ACACB: variants seen among roughly 807,000 people sequenced by gnomAD.
The protein encoded by ACACB is acetyl-CoA carboxylase 2.
A neutral mutation model predicts 278.8 loss-of-function variants in ACACB; 209 were observed. The observed-to-expected ratio is 0.75, with a 90% confidence interval of 0.67 to 0.84. The LOEUF (loss-of-function observed/expected upper bound fraction) is 0.84, where lower values mean the gene tolerates loss of function less well. Ranked by LOEUF, ACACB falls within the 40% of genes least tolerant of loss-of-function variation. The pLI, the probability that ACACB is intolerant of heterozygous loss-of-function variation, is 0.00. For missense variants in ACACB, 2,850 were observed against 3,269.0 expected (o/e 0.87, Z 3.13); for synonymous variants, 1,174 against 1,285.6 (o/e 0.91, Z 1.86).
chr12:109,179,946 C>CT lies in ACACB; in HGVS notation c.1678dup (p.Tyr560LeufsTer12). The CT allele has an allele frequency of 6.2e-7, 1 of 1,612,792 alleles. No individual in the cohort carries two copies. The highest frequency in any genetic ancestry group is 8.5e-7 in the Non-Finnish European group (1 of 1,178,960). ...CCATCCGCCTGGCCAAGACCGTGGG[C>CT]TATGTGAGTGCAGGGACAGTGGAAT... On this transcript the variant is annotated frameshift_variant, in exon 11 of 53. Transcript: ENST00000338432. LOFTEE classifies it high-confidence loss of function.
intron 16 of ACACB, among the ~76,000 whole-genome samples, chr12:109,195,401 T>G (rs923379764): frequency 7.2e-5 from 11 of 152,238 alleles, no homozygotes; most frequent in African/African-American, 2.7e-4. Flanking sequence ...TGTGTGTCAT[T>G]GATCAGGGTA....
chr12:109,197,331 C>T (rs1489045049), intron 17 of ACACB, among the ~76,000 whole-genome samples, 178 bp downstream of exon 17: 1 of 152,114 alleles, frequency 6.6e-6, no homozygotes, highest in Non-Finnish European at 1.5e-5. Flanking sequence ...GTGCAACTGG[C>T]AGATATTTAG....
intron 17 of ACACB, among the ~76,000 whole-genome samples, chr12:109,199,164 T>C (rs1272969019): frequency 2.0e-5 from 3 of 151,866 alleles, no homozygotes. Context: ...CACTCCAGCC[T>C]GGGCAACAGA....
In ACACB at chr12:109,247,653, C is replaced by T. The variant is rs756815651; in HGVS notation, c.5619C>T (p.Ser1873=). The T allele has an allele frequency of 6.2e-7, 1 of 1,613,828 alleles. No homozygotes were observed. The highest frequency in any genetic ancestry group is 8.5e-7 in the Non-Finnish European group (1 of 1,179,976). The part of the protein sequence containing the change: ...YLTPQDYTRI[S]SLNSVHCKHI... ...CTCCCCAAGACTACACCAGAATCAGCTCCCTGAACTCCGTCCACTGTAAAC... is the reference window on the plus strand; with the variant it reads ...CTCCCCAAGACTACACCAGAATCAGTTCCCTGAACTCCGTCCACTGTAAAC... The change falls in exon 40 of 53, where the codon AGC becomes AGT. Residue 1873 remains serine (S), a synonymous_variant. Coordinates refer to ENST00000338432, the MANE Select transcript of ACACB (RefSeq NM_001093.4).
At chr12:109,124,499 C>T (rs1565842452) in intron 1 of ACACB, among the ~76,000 whole-genome samples, 1 of 152,178 alleles carries the variant, frequency 6.6e-6, no homozygotes, top group East Asian at 1.9e-4. Flanking sequence ...GTTCAGTTAC[C>T]CCACTTTTAG....
At chr12:109,155,761 TA>T (rs1433817923) in intron 2 of ACACB, among the ~76,000 whole-genome samples, 1 of 151,928 alleles carries the variant, frequency 6.6e-6, no homozygotes, top group African/African-American at 2.4e-5. Context: ...TTTTCATGTT[TA>T]AGTGATTGAA....
intron 7 of ACACB, among the ~76,000 whole-genome samples, chr12:109,175,074 A>G (rs947873822): frequency 1.4e-4 from 21 of 152,246 alleles, no homozygotes; most frequent in African/African-American, 4.8e-4. Context: ...AATTTAAAAA[A>G]TATTCAAAGG....
intron 2 of ACACB, among the ~76,000 whole-genome samples, chr12:109,152,624 T>TTTGC (rs2043404124): frequency 1.0e-5 from 1 of 98,138 alleles, no homozygotes; most frequent in Non-Finnish European, 2.3e-5. Flanking sequence ...TGCCTGTGCC[T>TTTGC]TTTCTTTCTT....
rs202116893 is a variant in ACACB at position 109,210,043 on chromosome 12, GTATA to G, written c.3249+695_3249+698del. Among the ~76,000 whole-genome samples the G allele has an allele frequency of 3.6e-5, 3 of 83,836 alleles. 1 individual carries two copies. Among genetic ancestry groups the G allele is most frequent in the Non-Finnish European group, 7.7e-5 (3 of 38,804 alleles). The allele number at this position is 83,836 out of a possible 152,430, so 55.0% of individuals were successfully genotyped here. On this transcript the variant is annotated intron_variant, in intron 21 of 52. Coordinates refer to ENST00000338432, the MANE Select transcript of ACACB (RefSeq NM_001093.4). ...CACGTGTGTATATATGTGTATATGT[GTATA>G]TATACACACACGTGTGTATATATGT...
rs188237321 is a variant in ACACB at position 109,144,994 on chromosome 12, G to A, written c.653+4936G>A. 1.9e-3 allele frequency among the ~76,000 whole-genome samples: 294 copies of A among 152,066 alleles called. 1 individual carries two copies. The highest frequency in any genetic ancestry group is 6.6e-3 in the African/African-American group (272 of 41,508). ...GCTAGGCTGGTCTCCATCTCCTGACGTCGTGATCCACCTGTCTAGGCCTCC... is the reference window on the plus strand; with the variant it reads ...GCTAGGCTGGTCTCCATCTCCTGACATCGTGATCCACCTGTCTAGGCCTCC... On this transcript the variant is annotated intron_variant, in intron 2 of 52. Coordinates refer to ENST00000338432, the MANE Select transcript of ACACB (RefSeq NM_001093.4).
chr12:109,162,177 T>C (rs1208647829), intron 2 of ACACB, among the ~76,000 whole-genome samples: 1 of 151,950 alleles, frequency 6.6e-6, no homozygotes, highest in Non-Finnish European at 1.5e-5. Flanking sequence ...TGGGGTTTCA[T>C]CATGTTGGCC....
At chr12:109,151,037 G>A (rs997502007) in intron 2 of ACACB, among the ~76,000 whole-genome samples, 2 of 145,054 alleles carry the variant, frequency 1.4e-5, no homozygotes, top group African/African-American at 5.2e-5. Flanking sequence ...GGAGTGCAGT[G>A]GCACAATTTC....
At chr12:109,220,870 GTTA>G (rs1471241705) in intron 24 of ACACB, among the ~76,000 whole-genome samples, 2 of 152,006 alleles carry the variant, frequency 1.3e-5, no homozygotes, top group Non-Finnish European at 2.9e-5. Flanking sequence ...AAATGTTTTT[GTTA>G]TTATTATTAT....
chr12:109,229,820 T>A (rs2136577626), intron 28 of ACACB, among the ~76,000 whole-genome samples: 1 of 152,210 alleles, frequency 6.6e-6, no homozygotes, highest in African/African-American at 2.4e-5. Flanking sequence ...GGCGCCACCA[T>A]GCCTGGCTCA....
At position 109,210,221 on chromosome 12, in the gene ACACB, A is replaced by ATATC. The variant is rs1491120224; in HGVS notation, c.3249+869_3249+870insATCT. Reference sequence around the variant, plus strand: ...TATGTATATATGTATATATACACACATGTGTGTATATGTATATATGTATAT... The same window carrying ATATC: ...TATGTATATATGTATATATACACACATATCTGTGTGTATATGTATATATGTATAT... On this transcript the variant is annotated intron_variant, in intron 21 of 52. Coordinates refer to ENST00000338432, the MANE Select transcript of ACACB (RefSeq NM_001093.4). Among the ~76,000 whole-genome samples, 5 of 11,964 alleles carry ATATC rather than the reference A, an allele frequency of 4.2e-4. 1 individual carries two copies. Among genetic ancestry groups the ATATC allele is most frequent in the African/African-American group, 2.0e-3 (4 of 1,990 alleles). 7.8% of individuals were successfully genotyped at this position (11,964 alleles called of 152,430 possible).
rs1201595298 is a variant in ACACB, at chr12:109,173,404, G to T, written c.1118-728G>T. Among the ~76,000 whole-genome samples, 6 of 152,202 alleles carry T rather than the reference G, an allele frequency of 3.9e-5. No homozygotes were observed. The East Asian group carries it at 1.2e-3, about 29-fold the overall frequency. ...GAAAACAGTCTTGCCCAAATGTGAA[G>T]CAACTCAGTGCGGATCAATACATGA... On this transcript the variant is annotated intron_variant, in intron 6 of 52. Coordinates refer to ENST00000338432, the MANE Select transcript of ACACB (RefSeq NM_001093.4).
intron 35 of ACACB, among the ~76,000 whole-genome samples, chr12:109,240,284 G>T (rs1040024846): frequency 3.9e-5 from 6 of 152,152 alleles, no homozygotes; most frequent in Non-Finnish European, 8.8e-5. Context: ...ACTGCATGTG[G>T]GTGGGGAGAG....
At chr12:109,250,944 C>T (rs1431037244) in intron 41 of ACACB, among the ~76,000 whole-genome samples, 1 of 152,206 alleles carries the variant, frequency 6.6e-6, no homozygotes, top group Non-Finnish European at 1.5e-5. Flanking sequence ...TGTGTTTCTT[C>T]TCCCCTGATT....
chr12:109,258,400 C>A, intron 46 of ACACB, 36 bp downstream of exon 46: 1 of 1,570,570 alleles, frequency 6.4e-7, no homozygotes, highest in Non-Finnish European at 8.7e-7. Context: ...CTGGTTTAGC[C>A]AGCGGTACTG....
Sources: gnomAD v4.1 joint callset for allele counts (sites outside exome capture counted in the v4.1 genomes callset) on GRCh38, gnomAD v4.1.1 for gene constraint, MANE v1.5 for transcripts, NCBI Gene and HGNC (gene_info 2026-07-23, HGNC 2026-07-21) for gene names.